Variants in PTPRG observed in about 807,000 individuals in gnomAD.
PTPRG encodes receptor-type tyrosine-protein phosphatase gamma.
In PTPRG, 102 loss-of-function variants were observed where a neutral mutation model predicts 165.3. That is an observed-to-expected ratio of 0.62 (90% CI 0.53 to 0.73). PTPRG has a LOEUF of 0.73. Among genes scored for constraint, PTPRG ranks in the 30% least tolerant of loss-of-function variants. The pLI is 0.00. For missense variants in PTPRG, 1,866 were observed against 1,861.4 expected, an observed-to-expected ratio of 1.00 and a Z score of -0.05; for synonymous variants, 675 against 669.5, an observed-to-expected ratio of 1.01 and a Z score of -0.13.
At chr3:61,634,750 C>T (rs1172022678) in intron 1 of PTPRG, among the ~76,000 whole-genome samples, 1 of 152,158 alleles carries the variant, frequency 6.6e-6, no homozygotes, top group Non-Finnish European at 1.5e-5. Context: ...GAGAAGAATG[C>T]CTGTGCTTAT....
At chr3:61,735,938 C>T (rs1310700016) in intron 1 of PTPRG, among the ~76,000 whole-genome samples, 20 of 147,768 alleles carry the variant, frequency 1.4e-4, no homozygotes, top group African/African-American at 3.5e-4. Context: ...GACAGCATCT[C>T]GCTCTGTTGC....
intron 2 of PTPRG, among the ~76,000 whole-genome samples, chr3:61,857,815 A>C (rs2037155090): frequency 2.0e-5 from 3 of 152,290 alleles, no homozygotes; most frequent in Middle Eastern, 6.8e-3. Context: ...CCTTTGGAAG[A>C]AATGACGTAA....
At chr3:61,984,587 G>A (rs2040713101) in intron 2 of PTPRG, among the ~76,000 whole-genome samples, 1 of 152,128 alleles carries the variant, frequency 6.6e-6, no homozygotes, top group Admixed American at 6.5e-5. Context: ...CTTCTATGCA[G>A]TTTGCTCCAT....
intron 14 of PTPRG, among the ~76,000 whole-genome samples, chr3:62,241,945 G>A (rs1333654862): frequency 6.6e-6 from 1 of 152,100 alleles, no homozygotes; most frequent in Admixed American, 6.5e-5. Flanking sequence ...ATACTGGATG[G>A]TTAAGGCTTT....
chr3:61,708,192 T>G (rs150036653), intron 1 of PTPRG, among the ~76,000 whole-genome samples: 1 of 151,966 alleles, frequency 6.6e-6, no homozygotes, highest in East Asian at 2.0e-4. Context: ...TCTGCACATC[T>G]CAGCCAACTG....
intron 2 of PTPRG, among the ~76,000 whole-genome samples, chr3:61,765,446 G>A (rs1177912366): frequency 6.6e-6 from 1 of 152,094 alleles, no homozygotes; most frequent in Non-Finnish European, 1.5e-5. Context: ...TTTGATCTAA[G>A]AGGCCGTTAG....
intron 1 of PTPRG, among the ~76,000 whole-genome samples, chr3:61,675,305 A>T (rs932340955): frequency 6.6e-6 from 1 of 152,216 alleles, no homozygotes; most frequent in Non-Finnish European, 1.5e-5. Flanking sequence ...GGTTTAGGAA[A>T]ATATAGAAAA....
chr3:62,067,267 TTTTC>T (rs1332000768), intron 4 of PTPRG, among the ~76,000 whole-genome samples: 2 of 151,426 alleles, frequency 1.3e-5, no homozygotes, highest in Non-Finnish European at 2.9e-5. Context: ...TTTTTTTTTT[TTTTC>T]TTTTGTCAAC....
At chr3:62,198,701 GTGGT>G (rs1194764244) in intron 10 of PTPRG, among the ~76,000 whole-genome samples, 1 of 152,246 alleles carries the variant, frequency 6.6e-6, no homozygotes, top group Non-Finnish European at 1.5e-5. Flanking sequence ...TAAATGACAA[GTGGT>G]TGGTCTGTTA....
chr3:61,762,428 G>T (rs944891093), intron 2 of PTPRG, among the ~76,000 whole-genome samples: 2 of 151,980 alleles, frequency 1.3e-5, no homozygotes, highest in African/African-American at 4.8e-5. Context: ...CCTGGCCAAC[G>T]TGGTGAAACC....
chr3:61,910,704 A>G (rs1311346270), intron 2 of PTPRG, among the ~76,000 whole-genome samples: 1 of 152,096 alleles, frequency 6.6e-6, no homozygotes, highest in East Asian at 1.9e-4. Context: ...TTGTCTTTTA[A>G]CAATCCAAGG....
At chr3:62,164,453 A>G (rs1704889989) in intron 7 of PTPRG, among the ~76,000 whole-genome samples, 1 of 152,178 alleles carries the variant, frequency 6.6e-6, no homozygotes, top group Admixed American at 6.5e-5. Flanking sequence ...TAGAAAAATG[A>G]CAGGGTTTTA....
At chr3:62,043,355 A>G (rs1228357310) in intron 4 of PTPRG, among the ~76,000 whole-genome samples, 2 of 152,158 alleles carry the variant, frequency 1.3e-5, no homozygotes, top group Non-Finnish European at 2.9e-5. Flanking sequence ...TCAACATTCA[A>G]TTATCACTAA....
intron 16 of PTPRG, chr3:62,262,479 T>G: frequency 5.2e-6 from 1 of 192,258 alleles, no homozygotes; most frequent in Middle Eastern, 2.0e-3. Flanking sequence ...TCATCATGTT[T>G]GACTATCTTT....
intron 4 of PTPRG, among the ~76,000 whole-genome samples, chr3:62,005,227 G>A (rs2041267841): frequency 6.6e-6 from 1 of 152,134 alleles, no homozygotes; most frequent in South Asian, 2.1e-4. Context: ...TCACAATAAC[G>A]ATATCTTTCA....
Position 62,212,674 on chromosome 3 carries a change from C to T in PTPRG, c.2156-6177C>T, listed in dbSNP as rs372769886. Among the ~76,000 whole-genome samples the T allele has an allele frequency of 1.3e-3, 202 of 152,168 alleles. 2 individuals are homozygous for T. The highest frequency in any genetic ancestry group is 4.6e-3 in the African/African-American group (192 of 41,530). On this transcript the variant is annotated intron_variant, in intron 12 of 29. Transcript: ENST00000474889. The stretch of plus-strand genomic sequence containing the variant: ...CTGGTGTGACATTAGGGAGTAGTGA[C>T]GACTGTGGCAAACCAGTGAGACGCA...
chr3:62,013,029 TA>T (rs1056016175), intron 4 of PTPRG, among the ~76,000 whole-genome samples: 3 of 152,072 alleles, frequency 2.0e-5, no homozygotes, highest in African/African-American at 7.2e-5. Flanking sequence ...GAAGCCTCCT[TA>T]AAAGAGGTAA....
intron 2 of PTPRG, among the ~76,000 whole-genome samples, chr3:61,758,357 C>G (rs146456433): frequency 1.3e-5 from 2 of 152,184 alleles, no homozygotes; most frequent in Non-Finnish European, 2.9e-5. Context: ...AAACTACTTA[C>G]GTAGAATTTT....
rs567740548 is a variant in PTPRG, at chr3:61,619,658, A to G, written c.85+57286A>G. Among the ~76,000 whole-genome samples, 12 of 152,290 alleles carry G rather than the reference A, an allele frequency of 7.9e-5. No homozygotes were observed. The South Asian group carries it at 2.5e-3, about 32-fold the overall frequency. On this transcript the variant is annotated intron_variant, in intron 1 of 29. Transcript: ENST00000474889. ...TGGGCTTCCTATATTTTATCTTCCC[A>G]TTATAGTACTGGTGGGTGTATGAAA...
Sources: gnomAD v4.1 joint callset for allele counts (sites outside exome capture counted in the v4.1 genomes callset) on GRCh38, gnomAD v4.1.1 for gene constraint, MANE v1.5 for transcripts, NCBI Gene and HGNC (gene_info 2026-07-23, HGNC 2026-07-21) for gene names.